The following KCNH8 variants were observed in gnomAD, a reference collection of about 807,000 sequenced individuals.
The protein encoded by KCNH8 is voltage-gated delayed rectifier potassium channel KCNH8.
A neutral mutation model predicts 103.6 loss-of-function variants in KCNH8; 70 were observed. The observed-to-expected ratio is 0.68, with a 90% CI of 0.56 to 0.82. KCNH8 has a LOEUF of 0.82. Among genes scored for constraint, KCNH8 ranks in the 40% least tolerant of loss-of-function variants. The pLI, the probability that KCNH8 is intolerant of heterozygous loss-of-function variation, is 0.00. For missense variants in KCNH8, 1,217 were observed against 1,329.9 expected, an observed-to-expected ratio of 0.92 and a Z score of 1.32; for synonymous variants, 498 against 489.4, an observed-to-expected ratio of 1.02 and a Z score of -0.23.
intron 3 of KCNH8, among the ~76,000 whole-genome samples, chr3:19,288,301 C>A (rs1452114167): frequency 7.1e-6 from 1 of 141,450 alleles, no homozygotes; most frequent in Non-Finnish European, 1.5e-5. Flanking sequence ...CATATGTATA[C>A]ATGTGCCATG....
chr3:19,455,759 T>G (rs547401728), intron 10 of KCNH8, among the ~76,000 whole-genome samples: 3 of 152,214 alleles, frequency 2.0e-5, no homozygotes, highest in African/African-American at 7.2e-5. Flanking sequence ...GTTGGTGCTG[T>G]TTTTATAGCT....
chr3:19,269,418 GCTA>G, intron 2 of KCNH8, among the ~76,000 whole-genome samples: 1 of 152,156 alleles, frequency 6.6e-6, no homozygotes, highest in Middle Eastern at 3.4e-3. Flanking sequence ...TGTTAAAAAT[GCTA>G]CTAAGATAAT....
intron 7 of KCNH8, among the ~76,000 whole-genome samples, chr3:19,435,321 C>A (rs1575064251): frequency 6.6e-6 from 1 of 152,178 alleles, no homozygotes; most frequent in East Asian, 1.9e-4. Flanking sequence ...TGTCCCTGAG[C>A]CTTATTTTTC....
chr3:19,156,972 T>TC (rs1485704077), intron 1 of KCNH8, among the ~76,000 whole-genome samples: 21 of 150,690 alleles, frequency 1.4e-4, no homozygotes, highest in Non-Finnish European at 2.4e-4. Flanking sequence ...AAAGCTTTTT[T>TC]TTTTTTTTTT....
intron 11 of KCNH8, among the ~76,000 whole-genome samples, chr3:19,489,898 C>T (rs1317519900): frequency 2.0e-5 from 3 of 152,216 alleles, no homozygotes; most frequent in Admixed American, 6.5e-5. Flanking sequence ...AGTACAGGCA[C>T]GTCGTGGGTG....
chr3:19,180,013 A>T (rs898701481), intron 1 of KCNH8, among the ~76,000 whole-genome samples: 2 of 152,132 alleles, frequency 1.3e-5, no homozygotes, highest in Non-Finnish European at 2.9e-5. Context: ...AAAAACTGAG[A>T]AGCTTTTGTA....
chr3:19,207,084 T>TA (rs2063724521), intron 1 of KCNH8, among the ~76,000 whole-genome samples: 1 of 151,762 alleles, frequency 6.6e-6, no homozygotes, highest in African/African-American at 2.4e-5. Context: ...TGGGTGTTGT[T>TA]AGTAAAAATA....
intron 7 of KCNH8, among the ~76,000 whole-genome samples, chr3:19,411,838 C>G (rs1162638528): frequency 6.6e-6 from 1 of 151,340 alleles, no homozygotes; most frequent in Admixed American, 6.6e-5. Flanking sequence ...AAGATATCTG[C>G]AAGGAGAATT....
At chr3:19,431,791 G>A (rs1034139778) in intron 7 of KCNH8, among the ~76,000 whole-genome samples, 3 of 152,118 alleles carry the variant, frequency 2.0e-5, no homozygotes, top group African/African-American at 7.2e-5. Context: ...TGTGCACAGA[G>A]GTGTTTATAA....
chr3:19,283,680 G>A (rs79083163), intron 3 of KCNH8, among the ~76,000 whole-genome samples: 9,763 of 151,846 alleles, frequency 0.064, 1,063 homozygotes, highest in African/African-American at 0.22. Context: ...AATCTAGGAG[G>A]CCAAGGCAGG....
chr3:19,516,498 A>G (rs1033649428), intron 14 of KCNH8, among the ~76,000 whole-genome samples: 9 of 152,056 alleles, frequency 5.9e-5, no homozygotes, highest in Non-Finnish European at 1.2e-4. Context: ...TGGACCAAGG[A>G]GCAAAGAAAT....
At chr3:19,350,878 ATGACTT>A (rs2065792008) in intron 5 of KCNH8, among the ~76,000 whole-genome samples, 1 of 152,150 alleles carries the variant, frequency 6.6e-6, no homozygotes, top group South Asian at 2.1e-4. Context: ...TGGATGGAGA[ATGACTT>A]TGACGAGTTG....
Position 19,510,453 on chromosome 3 carries a change from C to T in KCNH8, c.2079+52C>T, listed in dbSNP as rs2068764527. ...ATTTATCTAAAATCTGGAGGATTACCAATAAATCTGTCTTGTCTTTCTCTT... is the reference window on the plus strand; with the variant it reads ...ATTTATCTAAAATCTGGAGGATTACTAATAAATCTGTCTTGTCTTTCTCTT... On this transcript the variant is annotated intron_variant, in intron 12 of 15. Coordinates refer to ENST00000328405, the MANE Select transcript of KCNH8 (RefSeq NM_144633.3). The T allele has an allele frequency of 8.3e-6, 9 of 1,078,720 alleles. No homozygotes were observed. The East Asian group carries it at 1.9e-4, about 23-fold the overall frequency. 66.8% of individuals were successfully genotyped at this position (1,078,720 alleles called of 1,614,324 possible).
At chr3:19,426,814 T>C (rs2067035668) in intron 7 of KCNH8, among the ~76,000 whole-genome samples, 1 of 152,180 alleles carries the variant, frequency 6.6e-6, no homozygotes, top group African/African-American at 2.4e-5. Context: ...ATATCATTGT[T>C]CTTTATCCTT....
intron 15 of KCNH8, among the ~76,000 whole-genome samples, chr3:19,527,778 T>C (rs1054017769): frequency 2.6e-5 from 4 of 152,066 alleles, no homozygotes; most frequent in African/African-American, 9.7e-5. Context: ...TGACAGGGGA[T>C]GTTGTTTAAC....
chr3:19,478,212 C>G (rs776957505), intron 11 of KCNH8, among the ~76,000 whole-genome samples: 1 of 151,894 alleles, frequency 6.6e-6, no homozygotes, highest in Non-Finnish European at 1.5e-5. Flanking sequence ...GATTCCATAT[C>G]TTTGCTATTG....
Position 19,518,038 on chromosome 3 carries a change from G to A in KCNH8, c.2583G>A (p.Glu861=), listed in dbSNP as rs771461404. The part of the protein sequence containing the change: ...IGAAVLFIKA[E]ETKQQINKLN... ...CTGCTGTTCTCTTCATCAAAGCAGA[G>A]GAGACCAAGCAGCAGATAAACAAAC... The change falls in exon 15 of 16, where the codon GAG becomes GAA. Residue 861 remains glutamate, a synonymous_variant. Transcript: ENST00000328405. 9.9e-6 allele frequency: 16 copies of A among 1,612,286 alleles called. No individual in the cohort carries two copies. The highest frequency in any genetic ancestry group is 1.4e-5 in the Non-Finnish European group (16 of 1,178,834).
At chr3:19,513,359 A>G in intron 13 of KCNH8, 34 bp downstream of exon 13, 2 of 1,545,994 alleles carry the variant, frequency 1.3e-6, no homozygotes, top group Non-Finnish European at 1.7e-6. Flanking sequence ...TTCTCACGTG[A>G]ACGTGGCTGC....
At chr3:19,376,797 A>G (rs1037239021) in intron 5 of KCNH8, among the ~76,000 whole-genome samples, 12 of 152,242 alleles carry the variant, frequency 7.9e-5, no homozygotes, top group African/African-American at 2.2e-4. Flanking sequence ...CTCAAAATAC[A>G]CTGGAGTGGA....
Sources: gnomAD v4.1 joint callset for allele counts (sites outside exome capture counted in the v4.1 genomes callset) on GRCh38, gnomAD v4.1.1 for gene constraint, MANE v1.5 for transcripts, NCBI Gene and HGNC (gene_info 2026-07-23, HGNC 2026-07-21) for gene names.